Variants in DEPDC4 observed in about 807,000 individuals in gnomAD.
The protein encoded by DEPDC4 is DEP domain containing 4.
A neutral mutation model predicts 52.0 loss-of-function variants in DEPDC4; 52 were observed. The observed-to-expected ratio is 1.00, with a 90% CI of 0.80 to 1.26. DEPDC4 has a LOEUF of 1.26. Among genes scored for constraint, DEPDC4 ranks in the 50% most tolerant of loss-of-function variants. The pLI is 0.00. For missense variants in DEPDC4, 530 were observed against 546.9 expected, an observed-to-expected ratio of 0.97 and a Z score of 0.31; for synonymous variants, 201 against 196.8, an observed-to-expected ratio of 1.02 and a Z score of -0.18.
intron 1 of DEPDC4, among the ~76,000 whole-genome samples, chr12:100,264,431 C>T (rs2096264615): frequency 6.6e-6 from 1 of 152,136 alleles, no homozygotes; most frequent in South Asian, 2.1e-4. Flanking sequence ...GTAATCCCAG[C>T]ATTTTCAGAA....
intron 3 of DEPDC4, among the ~76,000 whole-genome samples, chr12:100,260,719 T>C (rs866401736): frequency 6.7e-6 from 1 of 148,186 alleles, no homozygotes; most frequent in South Asian, 2.1e-4. Context: ...CTACTAATAA[T>C]ACAAAAAATA....
intron 3 of DEPDC4, among the ~76,000 whole-genome samples, chr12:100,259,932 T>C (rs2096247767): frequency 6.7e-6 from 1 of 150,198 alleles, no homozygotes; most frequent in Non-Finnish European, 1.5e-5. Context: ...ACAGCTTTCA[T>C]TCCCTCCTAT....
At chr12:100,250,222 T>A (rs2153908403) in intron 7 of DEPDC4, among the ~76,000 whole-genome samples, 1 of 152,270 alleles carries the variant, frequency 6.6e-6, no homozygotes, top group East Asian at 1.9e-4. Context: ...AACCAGTATG[T>A]TTCTGTTTTT....
intron 3 of DEPDC4, among the ~76,000 whole-genome samples, chr12:100,260,956 G>T (rs764708611): frequency 3.3e-5 from 5 of 152,004 alleles, no homozygotes; most frequent in Non-Finnish European, 5.9e-5. Flanking sequence ...CAAGGTGGGT[G>T]GATCACTTGA....
chr12:100,256,048 C>A lies in DEPDC4; in HGVS notation c.878+1G>T. On this transcript the variant is annotated splice_donor_variant, in intron 4 of 9. Coordinates refer to ENST00000550587, the MANE Select transcript of DEPDC4 (RefSeq NM_001364818.2). LOFTEE classifies it high-confidence loss of function. Reference sequence around the variant, plus strand: ...ATTTGACAATAAAAATGGTCACTTACTCAGGTAGACATAAGCTTGGAATAA... The same window carrying A: ...ATTTGACAATAAAAATGGTCACTTAATCAGGTAGACATAAGCTTGGAATAA... 6.3e-7 allele frequency: 1 copy of A among 1,582,442 alleles called. No individual in the cohort carries two copies. The highest frequency in any genetic ancestry group is 2.3e-5 in the East Asian group (1 of 44,428).
At chr12:100,245,138 G>A (rs1252590113) in intron 8 of DEPDC4, among the ~76,000 whole-genome samples, 1 of 152,030 alleles carries the variant, frequency 6.6e-6, no homozygotes, top group Non-Finnish European at 1.5e-5. Context: ...CCAAAATGCT[G>A]GGATTACAGG....
At chr12:100,232,000 G>A (rs2096135466) in intron 9 of DEPDC4, among the ~76,000 whole-genome samples, 1 of 151,946 alleles carries the variant, frequency 6.6e-6, no homozygotes, top group Non-Finnish European at 1.5e-5. Flanking sequence ...TTTAACTTTC[G>A]AAGTATCATA....
intron 8 of DEPDC4, among the ~76,000 whole-genome samples, chr12:100,248,017 A>G (rs1029932970): frequency 6.6e-6 from 1 of 152,182 alleles, no homozygotes; most frequent in Non-Finnish European, 1.5e-5. Flanking sequence ...ATCAAATAAT[A>G]ATAATATTAA....
intron 9 of DEPDC4, among the ~76,000 whole-genome samples, chr12:100,232,230 A>G (rs2096135776): frequency 6.6e-6 from 1 of 151,606 alleles, no homozygotes; most frequent in South Asian, 2.1e-4. Context: ...TGTCTCTACT[A>G]AAAAACAATG....
rs750322902 is a variant in DEPDC4 at position 100,266,883 on chromosome 12, C to A, written c.157+37G>T. On this transcript the variant is annotated intron_variant, in intron 1 of 9. Transcript: ENST00000550587. Reference sequence around the variant, plus strand: ...CTGCTCCCTTCAGCTGCCCCCTCCACCTTCACTGCACATTTGGCTAGGATA... The same window carrying A: ...CTGCTCCCTTCAGCTGCCCCCTCCAACTTCACTGCACATTTGGCTAGGATA... 3.8e-6 allele frequency: 6 copies of A among 1,593,702 alleles called. No homozygotes were observed. In the East Asian group the frequency reaches 9.0e-5, roughly 24 times the overall value.
downstream of DEPDC4, among the ~76,000 whole-genome samples, chr12:100,235,405 TG>T (rs1267252069): frequency 6.6e-6 from 1 of 151,642 alleles, no homozygotes; most frequent in Non-Finnish European, 1.5e-5. Context: ...CATAGGTTTT[TG>T]GGGAACAGGT....
rs1365811693 is a variant in DEPDC4, at chr12:100,248,975, G to T, written c.1378C>A (p.Pro460Thr). ...LEYHSELFKTPVTLLDLVSKK... is the reference protein window; with the variant it reads ...LEYHSELFKTTVTLLDLVSKK... ...CTAACCAGATCCAATAAAGTAACTG[G>T]TGTCTACACAAAACAGGTATTTTCA... is the stretch of plus-strand genomic sequence containing the variant. The change falls in exon 8 of 10, where the codon CCA becomes ACA. Residue 460 changes from proline to threonine, a missense_variant. By Grantham distance (38) the Pro-to-Thr change is conservative (BLOSUM62 -1). Transcript: ENST00000550587. 3 of 981,694 alleles carry T rather than the reference G, an allele frequency of 3.1e-6. No homozygotes were observed. The highest frequency in any genetic ancestry group is 3.6e-6 in the Non-Finnish European group (3 of 826,366). The allele number at this position is 981,694 out of a possible 1,614,324, so 60.8% of individuals were successfully genotyped here. A position where few individuals can be genotyped will look rare whatever the true frequency, so the allele number is the denominator to read the frequency against.
upstream of DEPDC4, among the ~76,000 whole-genome samples, chr12:100,269,945 T>C (rs937496228): frequency 2.6e-5 from 4 of 152,162 alleles, no homozygotes; most frequent in African/African-American, 9.7e-5. Flanking sequence ...AGTACTTGTG[T>C]TTTATGAGTT....
chr12:100,268,808 C>T (rs897296521), upstream of DEPDC4, among the ~76,000 whole-genome samples: 2 of 152,172 alleles, frequency 1.3e-5, no homozygotes, highest in African/African-American at 2.4e-5. Context: ...GTGTTTAACT[C>T]CGTGGGTAGC....
chr12:100,271,696 C>T (rs537088883), upstream of DEPDC4, among the ~76,000 whole-genome samples: 4 of 152,222 alleles, frequency 2.6e-5, no homozygotes, highest in South Asian at 2.1e-4. Context: ...GATGTAATTA[C>T]GGTAAGCCTT....
chr12:100,252,757 G>C (rs888410448), intron 5 of DEPDC4, among the ~76,000 whole-genome samples: 9 of 152,100 alleles, frequency 5.9e-5, no homozygotes, highest in Non-Finnish European at 1.0e-4. Context: ...TTATCAAACA[G>C]TATTTTGTTT....
At chr12:100,281,396 A>G in the DEPDC4 span, among the ~76,000 whole-genome samples, 1 of 152,256 alleles carries the variant, frequency 6.6e-6, no homozygotes, top group South Asian at 2.1e-4. Context: ...TTTATAAAAT[A>G]CCAATTTGGG....
chr12:100,272,912 C>T, the DEPDC4 span, among the ~76,000 whole-genome samples: 12 of 152,116 alleles, frequency 7.9e-5, no homozygotes, highest in Non-Finnish European at 7.4e-5. Flanking sequence ...ATCTGTATAA[C>T]TAGCACCTTT....
At chr12:100,275,349 G>A in the DEPDC4 span, among the ~76,000 whole-genome samples, 1 of 151,966 alleles carries the variant, frequency 6.6e-6, no homozygotes, top group African/African-American at 2.4e-5. Flanking sequence ...CTGCAGACAT[G>A]TGCTACTGCT....
Sources: allele counts gnomAD v4.1 joint callset (sites outside exome capture counted in the v4.1 genomes callset), GRCh38; gene constraint gnomAD v4.1.1; transcripts MANE v1.5; gene names NCBI Gene and HGNC (gene_info 2026-07-23, HGNC 2026-07-21).